The following PHF2 variants were observed in gnomAD, a reference collection of about 807,000 sequenced individuals.
The protein encoded by PHF2 is PHD finger protein 2.
Under a neutral mutation model 120.5 loss-of-function variants are expected in PHF2, and 27 were observed. That is an observed-to-expected ratio of 0.22 (90% CI 0.17 to 0.31). PHF2 has a LOEUF of 0.31. PHF2 is among the 10% of genes least tolerant of loss of function. PHF2 has a pLI of 1.00. For missense variants in PHF2, 1,024 were observed against 1,434.8 expected, an observed-to-expected ratio of 0.71 and a Z score of 4.63; for synonymous variants, 568 against 592.5, an observed-to-expected ratio of 0.96 and a Z score of 0.60.
At chr9:93,647,223 C>T (rs555414172) in intron 4 of PHF2, among the ~76,000 whole-genome samples, 1 of 152,316 alleles carries the variant, frequency 6.6e-6, no homozygotes, top group South Asian at 2.1e-4. Context: ...GAGGGCCTGC[C>T]TAGTGCCAGG....
chr9:93,616,227 A>G (rs2131633671), intron 1 of PHF2, among the ~76,000 whole-genome samples: 1 of 152,302 alleles, frequency 6.6e-6, no homozygotes, highest in East Asian at 1.9e-4. Flanking sequence ...TGCTATTTTA[A>G]ATAACCGTGG....
At chr9:93,652,290 CTTTTTTT>C (rs751282822) in intron 5 of PHF2, among the ~76,000 whole-genome samples, 2 of 96,362 alleles carry the variant, frequency 2.1e-5, no homozygotes, top group African/African-American at 4.5e-5. Flanking sequence ...TTGAGCTTGA[CTTTTTTT>C]TTTTTTTTTT....
intron 14 of PHF2, 94 bp downstream of exon 14, chr9:93,663,729 A>T: frequency 1.5e-6 from 1 of 685,236 alleles, no homozygotes; most frequent in South Asian, 1.7e-5. Context: ...CTTATACCAC[A>T]CACACATTAC....
rs184639926 is a variant in PHF2 at position 93,636,554 on chromosome 9, A to G, written c.299+29A>G. 9.4e-4 allele frequency: 1,356 copies of G among 1,438,876 alleles called. 5 individuals carry two copies. Among genetic ancestry groups the G allele is most frequent in the Middle Eastern group, 5.2e-3 (26 of 4,990 alleles). 89.1% of individuals were successfully genotyped at this position (1,438,876 alleles called of 1,614,324 possible). A position where few individuals can be genotyped will look rare whatever the true frequency, so the allele number is the denominator to read the frequency against. The stretch of plus-strand genomic sequence containing the variant: ...GGCTGGCCTTCCTGTATGCTCCACC[A>G]CCTGCAGCCAGGGGATGCACACTCT... On this transcript the variant is annotated intron_variant, in intron 3 of 21. Transcript: ENST00000359246.
Position 93,677,020 on chromosome 9 carries a change from C to T in PHF2, c.3202+57C>T, listed in dbSNP as rs1201444955. Reference sequence around the variant, plus strand: ...CCCCTGCCCTGCCTGCCCCCATGGGCAGCCCCAGACATGCAGACTCGGCCC... The same window carrying T: ...CCCCTGCCCTGCCTGCCCCCATGGGTAGCCCCAGACATGCAGACTCGGCCC... On this transcript the variant is annotated intron_variant, in intron 21 of 21. Coordinates refer to ENST00000359246, the MANE Select transcript of PHF2 (RefSeq NM_005392.4). The surrounding 1 kb of genome is among the most constrained non-coding windows in gnomAD (Gnocchi z 4.4). 3.9e-5 allele frequency: 56 copies of T among 1,452,566 alleles called. No homozygotes were observed. The South Asian group carries it at 8.1e-4, about 21-fold the overall frequency. 90.0% of individuals were successfully genotyped at this position (1,452,566 alleles called of 1,614,324 possible).
intron 3 of PHF2, among the ~76,000 whole-genome samples, chr9:93,640,437 T>C (rs914680553): frequency 3.9e-5 from 6 of 152,062 alleles, no homozygotes; most frequent in African/African-American, 1.4e-4. Flanking sequence ...TTTATTGATA[T>C]AACTTCAAGC....
At chr9:93,655,722 C>T (rs1826447148) in intron 7 of PHF2, among the ~76,000 whole-genome samples, 1 of 152,264 alleles carries the variant, frequency 6.6e-6, no homozygotes, top group Non-Finnish European at 1.5e-5. Context: ...TGGGGTTGGG[C>T]CAGAGCCAGA....
intron 1 of PHF2, among the ~76,000 whole-genome samples, chr9:93,617,484 G>A (rs1017607427): frequency 1.3e-5 from 2 of 152,196 alleles, no homozygotes; most frequent in African/African-American, 4.8e-5. Context: ...TTCTTAGAGA[G>A]TAGACAGGCT....
At position 93,596,747 on chromosome 9, in the gene PHF2, G is replaced by GT. The variant is rs34293739; in HGVS notation, c.98+19888dup. ...ACCTTCATGCCTCAGTGTTTCTGCC[G>GT]TTTTTTTTTTTTGTTTTTTGTTTTT... On this transcript the variant is annotated intron_variant, in intron 1 of 21. Transcript: ENST00000359246. Among the ~76,000 whole-genome samples the GT allele has an allele frequency of 2.0e-3, 288 of 144,272 alleles. 5 individuals carry two copies. Among genetic ancestry groups the GT allele is most frequent in the African/African-American group, 6.9e-3 (269 of 39,150 alleles). 94.6% of individuals were successfully genotyped at this position (144,272 alleles called of 152,430 possible).
intron 1 of PHF2, among the ~76,000 whole-genome samples, chr9:93,602,405 G>A (rs1429013372): frequency 8.6e-5 from 13 of 151,494 alleles, no homozygotes; most frequent in Non-Finnish European, 1.6e-4. Context: ...GGCACACACC[G>A]CCACGCCTGG....
In PHF2 at chr9:93,654,494, A is replaced by G. The variant is rs372757959; in HGVS notation, c.871A>G (p.Ser291Gly). 1 of 1,614,070 alleles carries G rather than the reference A, an allele frequency of 6.2e-7. No individual in the cohort carries two copies. The highest frequency in any genetic ancestry group is 8.5e-7 in the Non-Finnish European group (1 of 1,180,014). ...YERWRSASNH[S>G]EMFFADQVDK... ...GCGCTGGCGGTCTGCCTCTAACCAC[A>G]GCGAGATGTTCTTTGCTGACCAGGT... Residue 291 changes from serine (S) to glycine (G), a missense_variant, in exon 7 of 22, where the codon AGC (serine) becomes GGC (glycine). Transcript: ENST00000359246.
At chr9:93,620,974 C>A (rs1254782870) in intron 1 of PHF2, among the ~76,000 whole-genome samples, 1 of 152,230 alleles carries the variant, frequency 6.6e-6, no homozygotes, top group African/African-American at 2.4e-5. Context: ...AGCCCTGGAT[C>A]CTCGTTAGGT....
chr9:93,577,882 C>T (rs1351812793), intron 1 of PHF2, among the ~76,000 whole-genome samples: 2 of 152,204 alleles, frequency 1.3e-5, no homozygotes, highest in African/African-American at 4.8e-5. Flanking sequence ...GGTTCTCTTG[C>T]ATCTGACTTT....
Position 93,677,752 on chromosome 9 carries a change from G to A in PHF2, c.*76G>A. ...GCGAAAACATCTGCCTCCCAGGAGGGTGCCGAGCTGCCTCACCAGGGAGGG... is the reference window on the plus strand; with the variant it reads ...GCGAAAACATCTGCCTCCCAGGAGGATGCCGAGCTGCCTCACCAGGGAGGG... On this transcript the variant is annotated 3_prime_UTR_variant, in exon 22 of 22. Coordinates refer to ENST00000359246, the MANE Select transcript of PHF2 (RefSeq NM_005392.4). This position sits in a 1 kb window ranked among gnomAD's most constrained non-coding sequence, Gnocchi z 4.4. The A allele has an allele frequency of 9.0e-7, 1 of 1,107,758 alleles. No individual in the cohort carries two copies. The highest frequency in any genetic ancestry group is 2.4e-5 in the East Asian group (1 of 41,854). 68.6% of individuals were successfully genotyped at this position (1,107,758 alleles called of 1,614,324 possible).
chr9:93,602,983 A>C (rs115763358), intron 1 of PHF2, among the ~76,000 whole-genome samples: 1,732 of 151,556 alleles, frequency 0.011, 38 homozygotes, highest in African/African-American at 0.04. Flanking sequence ...GAATGCTGTG[A>C]AGCAAGGGAA....
At chr9:93,633,013 G>A (rs998240084) in intron 2 of PHF2, among the ~76,000 whole-genome samples, 1 of 152,084 alleles carries the variant, frequency 6.6e-6, no homozygotes, top group Non-Finnish European at 1.5e-5. Context: ...GGGATAAGAG[G>A]GCCACTCTGT....
At chr9:93,579,838 C>G (rs1464537663) in intron 1 of PHF2, among the ~76,000 whole-genome samples, 2 of 152,206 alleles carry the variant, frequency 1.3e-5, no homozygotes, top group African/African-American at 2.4e-5. Flanking sequence ...CAGCCGAGAA[C>G]TTGTTTGGGA....
chr9:93,665,592 C>A, intron 14 of PHF2, 94 bp from the exon 15 acceptor site: 1 of 1,382,784 alleles, frequency 7.2e-7, no homozygotes, highest in Non-Finnish European at 9.8e-7. Flanking sequence ...GGCCATCCTG[C>A]CGCGGCCCTG....
chr9:93,611,814 C>G (rs1825640476), intron 1 of PHF2, among the ~76,000 whole-genome samples: 1 of 152,126 alleles, frequency 6.6e-6, no homozygotes, highest in Admixed American at 6.5e-5. Context: ...TGTGCCTCAC[C>G]AGGATTAAAA....
Sources: gnomAD v4.1 joint callset for allele counts (sites outside exome capture counted in the v4.1 genomes callset) on GRCh38, gnomAD v4.1.1 for gene constraint, Gnocchi (gnomAD v3.1) non-coding constraint, MANE v1.5 for transcripts, NCBI Gene and HGNC (gene_info 2026-07-23, HGNC 2026-07-21) for gene names.